FMN1: variants seen among roughly 807,000 people sequenced by gnomAD.
The protein encoded by FMN1 is formin-1.
Under a neutral mutation model 132.4 loss-of-function variants are expected in FMN1, and 110 were observed. The ratio of observed to expected loss-of-function variants is 0.83; its 90% CI spans 0.71 to 0.97. The LOEUF is 0.97. Among genes scored for constraint, FMN1 ranks in the 50% least tolerant of loss-of-function variants. FMN1 has a pLI of 0.00. For synonymous variants in FMN1, 722 were observed against 651.7 expected, an observed-to-expected ratio of 1.11 and a Z score of -1.64; for missense variants, 1,792 against 1,705.3, an observed-to-expected ratio of 1.05 and a Z score of -0.90.
intron 19 of FMN1, among the ~76,000 whole-genome samples, chr15:32,780,354 C>A (rs1455291234): frequency 6.6e-6 from 1 of 152,138 alleles, no homozygotes; most frequent in Non-Finnish European, 1.5e-5. Context: ...CCAAGATGGC[C>A]ACCTAGTGAC....
chr15:32,901,864 T>G, intron 13 of FMN1, 47 bp downstream of exon 13: 1 of 1,532,830 alleles, frequency 6.5e-7, no homozygotes. Context: ...ACTTTCTTCT[T>G]TACTCTTCAG....
chr15:32,795,719 A>C (rs1276584442), intron 19 of FMN1, among the ~76,000 whole-genome samples: 1 of 152,158 alleles, frequency 6.6e-6, no homozygotes, highest in Admixed American at 6.5e-5. Context: ...TGCTTCACTG[A>C]AAGATGAGTC....
chr15:32,981,941 G>A (rs950493069), intron 7 of FMN1, among the ~76,000 whole-genome samples: 1 of 152,046 alleles, frequency 6.6e-6, no homozygotes, highest in Admixed American at 6.5e-5. Context: ...TTTGTTGCAA[G>A]TCTCTAAGCC....
chr15:33,120,662 G>C (rs1391097066), intron 4 of FMN1, among the ~76,000 whole-genome samples: 4 of 152,030 alleles, frequency 2.6e-5, no homozygotes, highest in Non-Finnish European at 5.9e-5. Flanking sequence ...TGGATCATTG[G>C]TGTGTCAGTT....
chr15:33,044,638 G>A (rs1382028509), intron 6 of FMN1, among the ~76,000 whole-genome samples: 1 of 152,076 alleles, frequency 6.6e-6, no homozygotes, highest in Non-Finnish European at 1.5e-5. Flanking sequence ...GGGATGAGAG[G>A]ATGACCAGCT....
intron 18 of FMN1, among the ~76,000 whole-genome samples, chr15:32,800,174 G>A (rs1387003433): frequency 1.3e-5 from 2 of 152,128 alleles, no homozygotes; most frequent in African/African-American, 2.4e-5. Flanking sequence ...ACGATTAGGC[G>A]AGATCCAAGC....
chr15:33,048,835 G>A (rs1284636523), intron 6 of FMN1, among the ~76,000 whole-genome samples: 2 of 152,016 alleles, frequency 1.3e-5, no homozygotes, highest in Admixed American at 6.6e-5. Context: ...AAGAGCATGG[G>A]AAGGACCTGC....
chr15:33,053,441 C>T (rs2037071136), intron 6 of FMN1, among the ~76,000 whole-genome samples: 1 of 152,160 alleles, frequency 6.6e-6, no homozygotes, highest in South Asian at 2.1e-4. Context: ...GTGCTCACTC[C>T]CACAAGGGGC....
At position 32,772,595 on chromosome 15, in the gene FMN1, TTC is replaced by T. The variant is rs1194065451; in HGVS notation, c.*1713_*1714del. On this transcript the variant is annotated 3_prime_UTR_variant, in exon 21 of 21. Transcript: ENST00000616417. ...AGTCATGCATGTTCCTTCTCGGCTTTTCTGTTTTGCTTGTCTCGTTCCTTCAT... is the reference window on the plus strand; with the variant it reads ...AGTCATGCATGTTCCTTCTCGGCTTTTGTTTTGCTTGTCTCGTTCCTTCAT... 2.6e-5 allele frequency: 4 copies of T among 152,214 alleles called. No individual in the cohort carries two copies. The highest frequency in any genetic ancestry group is 1.5e-5 in the Non-Finnish European group (1 of 68,042). 9.4% of individuals were successfully genotyped at this position (152,214 alleles called of 1,614,324 possible). A position where few individuals can be genotyped will look rare whatever the true frequency, so the allele number is the denominator to read the frequency against.
intron 6 of FMN1, among the ~76,000 whole-genome samples, chr15:33,032,547 G>C (rs1388705630): frequency 1.3e-5 from 2 of 152,182 alleles, no homozygotes; most frequent in Admixed American, 6.5e-5. Flanking sequence ...GTTATGTCCT[G>C]ATAAACTGAT....
rs34715846 is a variant in FMN1 at position 32,958,549 on chromosome 15, TATACATACATAC to T, written c.3138+5546_3138+5557del. On this transcript the variant is annotated intron_variant, in intron 9 of 20. Coordinates refer to ENST00000616417, the MANE Select transcript of FMN1 (RefSeq NM_001277313.2). ...AGGATCCCTGCCTAGTTTGAGAAGA[TATACATACATAC>T]ATACATACATACATACATACATACA... Among the ~76,000 whole-genome samples, 362 of 150,660 alleles carry T rather than the reference TATACATACATAC, an allele frequency of 2.4e-3. 2 individuals carry two copies. Among genetic ancestry groups the T allele is most frequent in the African/African-American group, 3.0e-3 (122 of 40,862 alleles).
intron 6 of FMN1, chr15:33,063,168 C>T (rs1395255172): frequency 6.6e-6 from 1 of 152,292 alleles, no homozygotes. Context: ...CTTTCTGGGC[C>T]CCGGTGACAG....
intron 2 of FMN1, among the ~76,000 whole-genome samples, chr15:33,184,797 C>T (rs965073035): frequency 6.6e-5 from 10 of 152,172 alleles, no homozygotes; most frequent in Admixed American, 2.0e-4. Context: ...AACCACCGCG[C>T]CCAGCTATAA....
chr15:33,127,550 G>C (rs1040147212), intron 4 of FMN1, among the ~76,000 whole-genome samples: 7 of 152,246 alleles, frequency 4.6e-5, no homozygotes, highest in African/African-American at 1.7e-4. Flanking sequence ...TTTTTAAACA[G>C]TGAACCTTTT....
chr15:33,074,528 A>G (rs531339477), intron 5 of FMN1, among the ~76,000 whole-genome samples: 1 of 152,344 alleles, frequency 6.6e-6, no homozygotes, highest in East Asian at 1.9e-4. Context: ...TTAAGAGTAA[A>G]ATATTTATAA....
At chr15:32,891,789 CAT>C (rs913467828) in intron 15 of FMN1, among the ~76,000 whole-genome samples, 41 of 151,760 alleles carry the variant, frequency 2.7e-4, no homozygotes, top group East Asian at 7.8e-4. Context: ...ACTATACACA[CAT>C]ATATATATAT....
At chr15:33,033,228 C>A (rs2036026547) in intron 6 of FMN1, among the ~76,000 whole-genome samples, 1 of 152,126 alleles carries the variant, frequency 6.6e-6, no homozygotes, top group Non-Finnish European at 1.5e-5. Context: ...GACGGGGTTT[C>A]ACCGTGTTAG....
intron 9 of FMN1, among the ~76,000 whole-genome samples, chr15:32,949,797 A>C (rs537619633): frequency 6.6e-6 from 1 of 151,492 alleles, no homozygotes; most frequent in Non-Finnish European, 1.5e-5. Flanking sequence ...AAACTTTGCA[A>C]ACTATGCATT....
chr15:33,019,517 C>T (rs907286681), intron 6 of FMN1, among the ~76,000 whole-genome samples: 21 of 152,166 alleles, frequency 1.4e-4, no homozygotes, highest in African/African-American at 3.9e-4. Context: ...TGGGACCGGG[C>T]GCCCTGGAGT....
Sources: gnomAD v4.1 joint callset for allele counts (sites outside exome capture counted in the v4.1 genomes callset) on GRCh38, gnomAD v4.1.1 for gene constraint, MANE v1.5 for transcripts, NCBI Gene and HGNC (gene_info 2026-07-23, HGNC 2026-07-21) for gene names.